C6: variants seen among roughly 807,000 people sequenced by gnomAD.
The protein encoded by C6 is complement component C6.
C6 carries 101 observed loss-of-function variants against 112.9 expected under a neutral mutation model. The observed-to-expected ratio is 0.89, with a 90% CI of 0.76 to 1.06. The LOEUF (loss-of-function observed/expected upper bound fraction) is 1.06. Among genes scored for constraint, C6 ranks in the 50% least tolerant of loss-of-function variants. C6 has a pLI of 0.00. For synonymous variants in C6, 431 were observed against 384.1 expected (o/e 1.12, Z -1.43); for missense variants, 1,202 against 1,104.6 (o/e 1.09, Z -1.25).
chr5:41,186,422 G>A, intron 5 of C6: 2 of 571,634 alleles, frequency 3.5e-6, no homozygotes, highest in Non-Finnish European at 6.2e-6. Context: ...GCTCTATTAG[G>A]TTCTCCTATT....
At position 41,213,419 on chromosome 5, in the gene C6, T is replaced by G; in HGVS notation, c.-64A>C. The G allele has an allele frequency of 1.0e-6, 1 of 985,324 alleles. No individual in the cohort carries two copies. Among genetic ancestry groups the G allele is most frequent in the South Asian group, 4.7e-5 (1 of 21,278 alleles). The allele number at this position is 985,324 out of a possible 1,614,324, so 61.0% of individuals were successfully genotyped here. ...GTGTCCTCGGACCTAAGCTGCAAAT[T>G]ATTGGGGAAAAAATAGGTATGCAGA... On this transcript the variant is annotated 5_prime_UTR_variant, in exon 1 of 18. Coordinates refer to ENST00000337836, the MANE Select transcript of C6 (RefSeq NM_000065.5).
intron 7 of C6, 79 bp downstream of exon 7, chr5:41,181,280 T>C: frequency 7.7e-7 from 1 of 1,301,426 alleles, no homozygotes; most frequent in South Asian, 1.2e-5. Flanking sequence ...ATCAAAACTC[T>C]CCCCTTCTTA....
At chr5:41,235,350 G>C (rs973649337) in intron 1 of C6, among the ~76,000 whole-genome samples, 3 of 144,938 alleles carry the variant, frequency 2.1e-5, no homozygotes, top group Non-Finnish European at 3.0e-5. Flanking sequence ...TCTTGCGATA[G>C]TTTACTGAGA....
intron 1 of C6, among the ~76,000 whole-genome samples, chr5:41,210,312 G>A (rs1043672701): frequency 6.6e-6 from 1 of 152,088 alleles, no homozygotes; most frequent in African/African-American, 2.4e-5. Flanking sequence ...CATGGGCAAG[G>A]ACTTCATGAC....
intron 1 of C6, among the ~76,000 whole-genome samples, chr5:41,208,944 C>T (rs982191635): frequency 1.1e-4 from 16 of 152,208 alleles, no homozygotes; most frequent in Non-Finnish European, 2.1e-4. Flanking sequence ...ACCAATATCC[C>T]TGATGAACAT....
intron 1 of C6, among the ~76,000 whole-genome samples, chr5:41,240,552 A>G (rs1407463830): frequency 1.7e-4 from 26 of 152,186 alleles, no homozygotes; most frequent in Admixed American, 1.6e-3. Context: ...GCCATTCCCC[A>G]TACCCTCAGG....
At chr5:41,241,024 G>C (rs1476061469) in intron 1 of C6, among the ~76,000 whole-genome samples, 2 of 152,206 alleles carry the variant, frequency 1.3e-5, no homozygotes. Flanking sequence ...TCTTTGGGCA[G>C]CATGCTCGCA....
At chr5:41,181,808 A>G (rs1054630033) in intron 6 of C6, among the ~76,000 whole-genome samples, 4 of 152,326 alleles carry the variant, frequency 2.6e-5, no homozygotes, top group African/African-American at 9.6e-5. Flanking sequence ...CACAGGAAAT[A>G]TAAGACCCTG....
At chr5:41,190,618 A>C (rs961574080) in intron 5 of C6, among the ~76,000 whole-genome samples, 1 of 152,118 alleles carries the variant, frequency 6.6e-6, no homozygotes, top group African/African-American at 2.4e-5. Flanking sequence ...AGTTTGATAT[A>C]ATCCCATTTG....
intron 1 of C6, among the ~76,000 whole-genome samples, chr5:41,243,520 C>T (rs564702633): frequency 1.3e-5 from 2 of 152,258 alleles, no homozygotes; most frequent in East Asian, 3.9e-4. Context: ...CTGCTTTACA[C>T]ATTTTTTTTA....
chr5:41,204,659 C>CTTTTT (rs56809256), intron 1 of C6, among the ~76,000 whole-genome samples: 3 of 133,324 alleles, frequency 2.3e-5, no homozygotes, highest in African/African-American at 5.7e-5. Context: ...AATCAGTAAG[C>CTTTTT]TTTTTTTTTT....
intron 5 of C6, among the ~76,000 whole-genome samples, chr5:41,191,798 T>TA (rs1369584476): frequency 1.3e-5 from 2 of 151,036 alleles, no homozygotes; most frequent in African/African-American, 4.9e-5. Flanking sequence ...AGGGCCTTTT[T>TA]TTTTTTGGTG....
chr5:41,173,381 C>A (rs964088148), intron 8 of C6, among the ~76,000 whole-genome samples: 2 of 152,136 alleles, frequency 1.3e-5, no homozygotes, highest in African/African-American at 2.4e-5. Flanking sequence ...TGGAAGAGTG[C>A]AGGGAAACAG....
intron 1 of C6, among the ~76,000 whole-genome samples, chr5:41,252,247 T>C (rs773230877): frequency 6.6e-6 from 1 of 152,234 alleles, no homozygotes; most frequent in Non-Finnish European, 1.5e-5. Flanking sequence ...TGGTAGAGAT[T>C]CTGGAAACAA....
At chr5:41,229,205 A>G (rs1035406329) in intron 1 of C6, among the ~76,000 whole-genome samples, 5 of 150,010 alleles carry the variant, frequency 3.3e-5, no homozygotes, top group African/African-American at 1.2e-4. Context: ...GATATTTGTT[A>G]TTTTCTTTCT....
At chr5:41,162,004 A>T (rs150649064) in intron 9 of C6, 145 bp from the exon 10 acceptor site, 16 of 727,216 alleles carry the variant, frequency 2.2e-5, no homozygotes, top group Non-Finnish European at 3.5e-5. Flanking sequence ...TGAAAAAGCA[A>T]GAGAACACTC....
At chr5:41,181,230 A>C in intron 7 of C6, 129 bp downstream of exon 7, 1 of 820,128 alleles carries the variant, frequency 1.2e-6, no homozygotes, top group South Asian at 1.7e-5. Flanking sequence ...AAAAATGGAA[A>C]AATTACTTAA....
chr5:41,183,103 A>G (rs936403128), intron 6 of C6, among the ~76,000 whole-genome samples: 1 of 152,198 alleles, frequency 6.6e-6, no homozygotes, highest in Non-Finnish European at 1.5e-5. Flanking sequence ...CATTGTGCAT[A>G]TATTCCTACC....
rs771297320 is a variant in C6 at position 41,186,219 on chromosome 5, A to G, written c.588-11T>C. The G allele has an allele frequency of 2.2e-5, 35 of 1,613,422 alleles. No homozygotes were observed. The highest frequency in any genetic ancestry group is 3.3e-4 in the Middle Eastern group (2 of 6,042). On this transcript the variant is annotated splice_polypyrimidine_tract_variant and intron_variant, in intron 5 of 17. Transcript: ENST00000337836. ...GCCAGAAAATGAAACCTAGAAACAA[A>G]GTAATTTTCAGGAATTCAACAGATG...
Sources: gnomAD v4.1 joint callset for allele counts (sites outside exome capture counted in the v4.1 genomes callset) on GRCh38, gnomAD v4.1.1 for gene constraint, MANE v1.5 for transcripts, NCBI Gene and HGNC (gene_info 2026-07-23, HGNC 2026-07-21) for gene names.